Variants in WDR59 observed in about 807,000 individuals in gnomAD.
WDR59 encodes the protein WD repeat domain 59, also known as GATOR2 complex protein WDR59.
Under a neutral mutation model 131.2 loss-of-function variants are expected in WDR59, and 100 were observed. The observed-to-expected ratio is 0.76, with a 90% confidence interval of 0.65 to 0.90. WDR59 has a LOEUF of 0.90. WDR59 is among the 40% of genes least tolerant of loss of function. The probability of loss-of-function intolerance (pLI) is 0.00; values close to 1 mark genes in which losing one functional copy is unlikely to be tolerated. For synonymous variants in WDR59, 601 were observed against 466.2 expected (o/e 1.29, Z -3.72); for missense variants, 1,203 against 1,262.2 (o/e 0.95, Z 0.71).
Position 74,938,209 on chromosome 16 carries a change from C to T in WDR59, c.592G>A (p.Asp198Asn), listed in dbSNP as rs1444311370. The T allele has an allele frequency of 3.8e-6, 6 of 1,568,762 alleles. No individual in the cohort carries two copies. The African/African-American group carries it at 6.9e-5, about 18-fold the overall frequency. ...ATGTGCTCGCTGTCTGGGTGCCAGTCCAGGCCATGGATTTTGGAGAGGTGG... is the reference window on the plus strand; with the variant it reads ...ATGTGCTCGCTGTCTGGGTGCCAGTTCAGGCCATGGATTTTGGAGAGGTGG... ...AAHLSKIHGL[D>N]WHPDSEHILA... The change falls in exon 8 of 26, where the codon GAC (aspartate) becomes AAC (asparagine). Residue 198 changes from aspartate (D) to asparagine (N), a missense_variant. Coordinates refer to ENST00000262144, the MANE Select transcript of WDR59 (RefSeq NM_030581.4).
intron 16 of WDR59, among the ~76,000 whole-genome samples, 182 bp from the exon 17 acceptor site, chr16:74,909,159 T>C (rs1965962205): frequency 6.6e-6 from 1 of 152,012 alleles, no homozygotes; most frequent in South Asian, 2.1e-4. Context: ...CGCTCCAGGA[T>C]CCAGGAGAGA....
At chr16:74,883,398 T>C (rs1964607705) in intron 25 of WDR59, among the ~76,000 whole-genome samples, 1 of 152,180 alleles carries the variant, frequency 6.6e-6, no homozygotes, top group Non-Finnish European at 1.5e-5. Context: ...TGCAGTGTTT[T>C]GTACTTCCGA....
At chr16:74,894,016 GC>G in intron 18 of WDR59, 1 of 539,900 alleles carries the variant, frequency 1.9e-6, no homozygotes, top group Non-Finnish European at 3.2e-6. Flanking sequence ...AGCACCTACT[GC>G]CAGGCTAGAT....
Position 74,909,484 on chromosome 16 carries a change from G to C in WDR59, c.1642+17C>G. 6.5e-7 allele frequency: 1 copy of C among 1,529,680 alleles called. No individual in the cohort carries two copies. Among genetic ancestry groups the C allele is most frequent in the Non-Finnish European group, 8.8e-7 (1 of 1,141,414 alleles). 94.8% of individuals were successfully genotyped at this position (1,529,680 alleles called of 1,614,324 possible). On this transcript the variant is annotated intron_variant, in intron 16 of 25. Transcript: ENST00000262144. The stretch of plus-strand genomic sequence containing the variant: ...CTCCCTCTCGAAATCTAGAATCAAA[G>C]AACCAAAGAGACCCACCTGCTCCGC...
chr16:74,914,791 A>C (rs1966282043), intron 13 of WDR59, among the ~76,000 whole-genome samples: 1 of 151,966 alleles, frequency 6.6e-6, no homozygotes, highest in Non-Finnish European at 1.5e-5. Flanking sequence ...ACGGGGTTTT[A>C]CCATGTTGGC....
chr16:74,962,257 G>A (rs1359682480), intron 2 of WDR59, among the ~76,000 whole-genome samples: 1 of 152,114 alleles, frequency 6.6e-6, no homozygotes, highest in African/African-American at 2.4e-5. Context: ...GTTTAGGATT[G>A]TCTTGGCTAT....
chr16:74,929,354 C>T (rs928416568), intron 8 of WDR59, among the ~76,000 whole-genome samples: 2 of 152,110 alleles, frequency 1.3e-5, no homozygotes, highest in Non-Finnish European at 2.9e-5. Context: ...GGATTATAGG[C>T]GTGAGCCACT....
chr16:74,930,836 T>A (rs1424849231), intron 8 of WDR59: 2 of 130,112 alleles, frequency 1.5e-5, no homozygotes, highest in East Asian at 4.5e-4. Context: ...GAGGTTGCAG[T>A]GAGCTGAGAT....
At chr16:74,905,841 A>G (rs74583388) in intron 17 of WDR59, among the ~76,000 whole-genome samples, 3,666 of 152,254 alleles carry the variant, frequency 0.024, 136 homozygotes, top group African/African-American at 0.084. Context: ...ATCAATACAT[A>G]CATCTAGCAA....
intron 17 of WDR59, 64 bp from the exon 18 acceptor site, chr16:74,904,164 A>G (rs1965692558): frequency 1.3e-6 from 2 of 1,561,284 alleles, no homozygotes; most frequent in Non-Finnish European, 8.7e-7. Context: ...AAGTGGTGCT[A>G]TTCTTAGCAC....
rs781543383 is a variant in WDR59, at chr16:74,899,677, C to A, written c.1866+4270G>T. On this transcript the variant is annotated intron_variant, in intron 18 of 25. Coordinates refer to ENST00000262144, the MANE Select transcript of WDR59 (RefSeq NM_030581.4). The stretch of plus-strand genomic sequence containing the variant: ...TAGAGACAGGATTAGTTAAGGAGAG[C>A]ATTTGCACAGCGCACAGTACCGGGA... 6.3e-5 allele frequency: 81 copies of A among 1,288,622 alleles called. 1 individual carries two copies. The South Asian group carries it at 9.8e-4, about 16-fold the overall frequency. The allele number at this position is 1,288,622 out of a possible 1,614,324, so 79.8% of individuals were successfully genotyped here.
intron 21 of WDR59, 114 bp downstream of exon 21, chr16:74,889,589 T>C (rs56178162): frequency 0.039 from 29,352 of 755,736 alleles, 731 homozygotes; most frequent in Middle Eastern, 0.077. Flanking sequence ...ATCCTACTCC[T>C]TCCTTTCATT....
At chr16:74,875,890 G>A (rs551707271) in intron 25 of WDR59, among the ~76,000 whole-genome samples, 2 of 152,012 alleles carry the variant, frequency 1.3e-5, no homozygotes, top group Non-Finnish European at 2.9e-5. Context: ...GATCACCAAC[G>A]GACACAACAC....
intron 22 of WDR59, 64 bp from the exon 23 acceptor site, chr16:74,887,819 A>G: frequency 2.6e-6 from 4 of 1,518,052 alleles, no homozygotes; most frequent in Non-Finnish European, 2.7e-6. Flanking sequence ...ATGACAGTTC[A>G]CATTAAGAAA....
chr16:74,945,578 C>G (rs1158597868), intron 6 of WDR59, among the ~76,000 whole-genome samples: 1 of 152,124 alleles, frequency 6.6e-6, no homozygotes, highest in Non-Finnish European at 1.5e-5. Flanking sequence ...CAGTTATACG[C>G]CCTCTGCAGC....
At position 74,892,518 on chromosome 16, in the gene WDR59, G is replaced by A; in HGVS notation, c.2048C>T (p.Ser683Phe). 3 of 1,613,958 alleles carry A rather than the reference G, an allele frequency of 1.9e-6. No individual in the cohort carries two copies. Among genetic ancestry groups the A allele is most frequent in the Admixed American group, 3.3e-5 (2 of 60,028 alleles). ...IQETCQKNAASALLVGRKDLV... is the reference protein window; with the variant it reads ...IQETCQKNAAFALLVGRKDLV... The stretch of plus-strand genomic sequence containing the variant: ...ATCCTTTCTTCCAACGAGCAAGGCA[G>A]AGGCGGCATTCTTCTGACATGTTTC... Residue 683 changes from serine (S) to phenylalanine (F), a missense_variant, in exon 20 of 26, where the codon TCT (serine) becomes TTT (phenylalanine). Coordinates refer to ENST00000262144, the MANE Select transcript of WDR59 (RefSeq NM_030581.4).
chr16:74,928,270 G>C (rs540155184), intron 8 of WDR59, among the ~76,000 whole-genome samples: 2 of 147,404 alleles, frequency 1.4e-5, no homozygotes, highest in African/African-American at 2.5e-5. Flanking sequence ...CTGAAGTATA[G>C]TGACAGGATT....
chr16:74,957,229 C>T (rs960058563), intron 2 of WDR59, among the ~76,000 whole-genome samples: 2 of 151,792 alleles, frequency 1.3e-5, no homozygotes, highest in South Asian at 2.1e-4. Context: ...TACAGGCACC[C>T]ACCATCACGC....
chr16:74,955,461 T>C (rs1299564287), intron 3 of WDR59, among the ~76,000 whole-genome samples: 1 of 152,060 alleles, frequency 6.6e-6, no homozygotes. Flanking sequence ...TCCCGAGGTA[T>C]AAACCAACTA....
Sources: allele counts gnomAD v4.1 joint callset (sites outside exome capture counted in the v4.1 genomes callset), GRCh38; gene constraint gnomAD v4.1.1; transcripts MANE v1.5; gene names NCBI Gene and HGNC (gene_info 2026-07-23, HGNC 2026-07-21).